Variants in VMP1 observed in about 807,000 individuals in gnomAD.
VMP1 encodes the protein ectopic P-granules autophagy protein 3 homolog.
VMP1 carries 11 observed loss-of-function variants against 56.0 expected under a neutral mutation model. The ratio of observed to expected loss-of-function variants is 0.20; its 90% confidence interval spans 0.12 to 0.32. The LOEUF is 0.32. Ranked by LOEUF, VMP1 falls within the 10% of genes least tolerant of loss-of-function variation. VMP1 has a pLI of 1.00. For synonymous variants in VMP1, 149 were observed against 165.0 expected (o/e 0.90, Z 0.74); for missense variants, 296 against 490.3 (o/e 0.60, Z 3.74).
intron 5 of VMP1, among the ~76,000 whole-genome samples, chr17:59,752,247 G>A (rs1453654135): frequency 2.0e-5 from 3 of 152,198 alleles, no homozygotes; most frequent in Non-Finnish European, 4.4e-5. Context: ...GAATGCGGCC[G>A]TTTTCTGGTA....
intron 6 of VMP1, among the ~76,000 whole-genome samples, chr17:59,769,449 G>A (rs867691483): frequency 6.6e-6 from 1 of 152,062 alleles, no homozygotes; most frequent in African/African-American, 2.4e-5. Flanking sequence ...AGATTTGCTT[G>A]TGAGTTCACT....
intron 5 of VMP1, among the ~76,000 whole-genome samples, chr17:59,762,140 A>G (rs1277280557): frequency 3.3e-5 from 5 of 152,184 alleles, no homozygotes; most frequent in African/African-American, 1.2e-4. Flanking sequence ...ATTGTTTGCT[A>G]TAGAAATGAA....
At position 59,793,666 on chromosome 17, in the gene VMP1, G is replaced by C. The variant is rs560402146; in HGVS notation, c.715-15130G>C. ...TTTTGAGATGGAGTCTTGCTCTGTC[G>C]CCCAGGCTGAAGTGCAGTGGCGTGA... is the stretch of plus-strand genomic sequence containing the variant. On this transcript the variant is annotated intron_variant, in intron 7 of 11. Transcript: ENST00000262291. Among the ~76,000 whole-genome samples the C allele has an allele frequency of 1.7e-5, 2 of 115,114 alleles. 1 individual carries two copies. The highest frequency in any genetic ancestry group is 4.9e-4 in the East Asian group (2 of 4,092). 75.5% of individuals were successfully genotyped at this position (115,114 alleles called of 152,430 possible).
chr17:59,839,077 CTCCGCCTCCCGGGT>C (rs2039074965), intron 11 of VMP1: 5 of 153,660 alleles, frequency 3.3e-5, no homozygotes, highest in Admixed American at 6.5e-5. Flanking sequence ...TCACTGCAAC[CTCCGCCTCCCGGGT>C]TCAAGCGATT....
At chr17:59,745,120 C>T (rs1445816198) in intron 5 of VMP1, among the ~76,000 whole-genome samples, 2 of 152,088 alleles carry the variant, frequency 1.3e-5, no homozygotes, top group African/African-American at 4.8e-5. Context: ...GCATCCCTAC[C>T]TTACTGAACT....
intron 1 of VMP1, among the ~76,000 whole-genome samples, chr17:59,725,727 A>G (rs2034577166): frequency 6.6e-6 from 1 of 152,218 alleles, no homozygotes; most frequent in South Asian, 2.1e-4. Context: ...AGACTGATGA[A>G]AATAACTTAG....
intron 7 of VMP1, among the ~76,000 whole-genome samples, chr17:59,782,960 C>G (rs547105044): frequency 6.6e-6 from 1 of 152,194 alleles, no homozygotes; most frequent in South Asian, 2.1e-4. Flanking sequence ...CCCAACACGC[C>G]CAAGGCAGGC....
chr17:59,753,084 T>A (rs1038964235), intron 5 of VMP1, among the ~76,000 whole-genome samples: 1 of 152,074 alleles, frequency 6.6e-6, no homozygotes, highest in Non-Finnish European at 1.5e-5. Flanking sequence ...CATACCAGCC[T>A]GGGCAACCTA....
intron 1 of VMP1, chr17:59,730,147 T>C (rs1189927509): frequency 6.6e-6 from 1 of 152,220 alleles, no homozygotes; most frequent in Non-Finnish European, 1.5e-5. Flanking sequence ...CCTCTGTCCG[T>C]TTATTAATTG....
chr17:59,718,137 A>C (rs1273403680), intron 1 of VMP1, among the ~76,000 whole-genome samples: 1 of 146,454 alleles, frequency 6.8e-6, no homozygotes, highest in Admixed American at 6.8e-5. Flanking sequence ...GTTTTGTCTA[A>C]TTCCCCAAGA....
intron 1 of VMP1, chr17:59,729,993 TC>T (rs2034764404): frequency 6.6e-6 from 1 of 152,114 alleles, no homozygotes; most frequent in African/African-American, 2.4e-5. Context: ...CTATTATCTG[TC>T]TTTTACTATA....
chr17:59,775,703 A>G (rs1014857697), intron 7 of VMP1, among the ~76,000 whole-genome samples: 2 of 152,226 alleles, frequency 1.3e-5, no homozygotes, highest in African/African-American at 2.4e-5. Context: ...AGATTAATGA[A>G]TGCCCTGGAG....
chr17:59,750,670 A>G lies in VMP1; in HGVS notation c.414+11723A>G, dbSNP rs577248296. Among the ~76,000 whole-genome samples, 76 of 152,272 alleles carry G rather than the reference A, an allele frequency of 5.0e-4. 1 individual carries two copies. Among genetic ancestry groups the G allele is most frequent in the South Asian group, 1.7e-3 (8 of 4,828 alleles). On this transcript the variant is annotated intron_variant, in intron 5 of 11. Coordinates refer to ENST00000262291, the MANE Select transcript of VMP1 (RefSeq NM_030938.5). ...ATATGCTTGTCTCTGGTTTATCTTT[A>G]TAGTGAGGTATATTGTACTTTGAAA...
At chr17:59,746,108 C>G (rs951715716) in intron 5 of VMP1, among the ~76,000 whole-genome samples, 1 of 152,146 alleles carries the variant, frequency 6.6e-6, no homozygotes, top group African/African-American at 2.4e-5. Flanking sequence ...TAGATACCTA[C>G]GTGTTTGGCT....
intron 5 of VMP1, among the ~76,000 whole-genome samples, chr17:59,750,748 T>C (rs947149888): frequency 2.6e-5 from 4 of 152,176 alleles, no homozygotes; most frequent in African/African-American, 9.7e-5. Context: ...CTGCATTTCC[T>C]CTGTTTTTAG....
chr17:59,752,333 C>A (rs2035685606), intron 5 of VMP1, among the ~76,000 whole-genome samples: 2 of 152,170 alleles, frequency 1.3e-5, no homozygotes, highest in African/African-American at 4.8e-5. Context: ...TGCTCCAACT[C>A]ATTGAATGAC....
chr17:59,799,654 T>C (rs1361140979), intron 7 of VMP1, among the ~76,000 whole-genome samples: 1 of 152,184 alleles, frequency 6.6e-6, no homozygotes, highest in Non-Finnish European at 1.5e-5. Flanking sequence ...CAATAAATAA[T>C]GTGTGACTTA....
intron 5 of VMP1, among the ~76,000 whole-genome samples, chr17:59,760,682 G>A (rs753216423): frequency 2.6e-5 from 4 of 152,160 alleles, no homozygotes; most frequent in South Asian, 4.1e-4. Context: ...GTGCAGTGGC[G>A]CAATCTCGGC....
intron 10 of VMP1, among the ~76,000 whole-genome samples, chr17:59,820,479 A>C (rs1315105540): frequency 6.6e-6 from 1 of 152,188 alleles, no homozygotes; most frequent in East Asian, 1.9e-4. Flanking sequence ...TGGGGAACAG[A>C]CCACCACCCT....
Sources: gnomAD v4.1 joint callset for allele counts (sites outside exome capture counted in the v4.1 genomes callset) on GRCh38, gnomAD v4.1.1 for gene constraint, MANE v1.5 for transcripts, NCBI Gene and HGNC (gene_info 2026-07-23, HGNC 2026-07-21) for gene names.